CELF2: variants seen among roughly 807,000 people sequenced by gnomAD.
CELF2 encodes CUG triplet repeat RNA-binding protein 2.
A neutral mutation model predicts 62.6 loss-of-function variants in CELF2; 8 were observed. The ratio of observed to expected loss-of-function variants is 0.13; its 90% CI spans 0.07 to 0.23. The LOEUF (loss-of-function observed/expected upper bound fraction) is 0.23. Ranked by LOEUF, CELF2 falls within the 10% of genes least tolerant of loss-of-function variation. The pLI is 1.00. For missense variants in CELF2, 333 were observed against 671.0 expected (o/e 0.50, Z 5.56); for synonymous variants, 258 against 250.0 (o/e 1.03, Z -0.30).
At chr10:10,757,509 C>T in the CELF2 span, among the ~76,000 whole-genome samples, 1 of 152,082 alleles carries the variant, frequency 6.6e-6, no homozygotes, top group East Asian at 1.9e-4. Context: ...TGGAATTCAA[C>T]AATGACAATG....
the CELF2 span, among the ~76,000 whole-genome samples, chr10:10,560,840 A>G: frequency 6.6e-6 from 1 of 152,230 alleles, no homozygotes; most frequent in Non-Finnish European, 1.5e-5. Context: ...TCAGCCATAA[A>G]AAGGAATGAA....
chr10:11,235,356 T>C (rs1243377450), intron 3 of CELF2, among the ~76,000 whole-genome samples: 1 of 152,218 alleles, frequency 6.6e-6, no homozygotes, highest in Non-Finnish European at 1.5e-5. Flanking sequence ...CTCATCTGTG[T>C]TTACCTTTGC....
chr10:10,472,614 C>G, the CELF2 span, among the ~76,000 whole-genome samples: 1 of 151,804 alleles, frequency 6.6e-6, no homozygotes, highest in African/African-American at 2.4e-5. Context: ...TCCTGTTTCT[C>G]TGCATGTCTA....
the CELF2 span, among the ~76,000 whole-genome samples, chr10:10,764,948 T>G: frequency 6.6e-6 from 1 of 152,214 alleles, no homozygotes; most frequent in Non-Finnish European, 1.5e-5. Context: ...AAAGCTCATG[T>G]GCAGTATTTT....
rs555350338 is a variant in CELF2 at position 11,191,577 on chromosome 10, A to G, written c.272-25848A>G. 2.6e-5 allele frequency among the ~76,000 whole-genome samples: 4 copies of G among 152,256 alleles called. No individual in the cohort carries two copies. The South Asian group carries it at 8.3e-4, about 32-fold the overall frequency. On this transcript the variant is annotated intron_variant, in intron 2 of 12. Coordinates refer to ENST00000633077, the MANE Select transcript of CELF2 (RefSeq NM_001326342.2). This position sits in a 1 kb window ranked among gnomAD's most constrained non-coding sequence, Gnocchi z 4.1. Reference sequence around the variant, plus strand: ...ACCTTGAAATCTGAAGTCACTGAGTAGCAGGGGAGGTTGGAGCCTGGGGCA... The same window carrying G: ...ACCTTGAAATCTGAAGTCACTGAGTGGCAGGGGAGGTTGGAGCCTGGGGCA...
chr10:10,989,139 C>T (rs916811190), intron 2 of CELF2, among the ~76,000 whole-genome samples: 1 of 152,152 alleles, frequency 6.6e-6, no homozygotes, highest in Non-Finnish European at 1.5e-5. Flanking sequence ...TTAGCCTATA[C>T]TTCTAGATGG....
At position 11,036,320 on chromosome 10, in the gene CELF2, C is replaced by T. The variant is rs955189647; in HGVS notation, c.74+18157C>T. On this transcript the variant is annotated intron_variant, in intron 1 of 12. Transcript: ENST00000633077. The stretch of plus-strand genomic sequence containing the variant: ...TAACTTTGTTTAGAGGCTATAGCTT[C>T]TACTGAATTTAATTACTTTGCTTCC... 2.0e-5 allele frequency among the ~76,000 whole-genome samples: 3 copies of T among 152,194 alleles called. No homozygotes were observed. In the South Asian group the frequency reaches 6.2e-4, roughly 32 times the overall value.
the CELF2 span, among the ~76,000 whole-genome samples, chr10:10,670,747 T>A: frequency 3.3e-5 from 5 of 152,348 alleles, no homozygotes; most frequent in African/African-American, 1.2e-4. Flanking sequence ...CCTATTCATC[T>A]GTCCCTCCCC....
the CELF2 span, among the ~76,000 whole-genome samples, chr10:10,680,521 A>C: frequency 1.3e-5 from 2 of 152,220 alleles, no homozygotes; most frequent in Non-Finnish European, 2.9e-5. Flanking sequence ...GACAATTTGT[A>C]TGCTATAGGC....
chr10:10,566,362 A>T, the CELF2 span, among the ~76,000 whole-genome samples: 2 of 151,336 alleles, frequency 1.3e-5, no homozygotes, highest in African/African-American at 4.9e-5. Flanking sequence ...AGGTTCTTGC[A>T]AGGACCTTCC....
At chr10:10,849,375 C>T (rs2132731292) in intron 1 of CELF2, among the ~76,000 whole-genome samples, 1 of 152,132 alleles carries the variant, frequency 6.6e-6, no homozygotes, top group Admixed American at 6.5e-5. Flanking sequence ...CCACTGCACT[C>T]CAGACTGGGT....
At chr10:11,022,014 A>G (rs2058398201) in intron 1 of CELF2, among the ~76,000 whole-genome samples, 1 of 152,252 alleles carries the variant, frequency 6.6e-6, no homozygotes, top group Non-Finnish European at 1.5e-5. Flanking sequence ...CCAGCAAGAT[A>G]AAGATCAAAA....
the CELF2 span, among the ~76,000 whole-genome samples, chr10:10,608,598 G>A: frequency 6.6e-6 from 1 of 152,048 alleles, no homozygotes; most frequent in African/African-American, 2.4e-5. Context: ...TTGAATTAGA[G>A]GCGAGGGACA....
chr10:10,474,853 A>T, the CELF2 span, among the ~76,000 whole-genome samples: 1 of 152,222 alleles, frequency 6.6e-6, no homozygotes, highest in Admixed American at 6.5e-5. Context: ...ATCAGATGTG[A>T]TGAGGTCAGG....
intron 1 of CELF2, among the ~76,000 whole-genome samples, chr10:11,062,171 C>T (rs918284375): frequency 6.6e-6 from 1 of 152,174 alleles, no homozygotes; most frequent in African/African-American, 2.4e-5. Flanking sequence ...AAATTCCTTT[C>T]CAGATATTAG....
the CELF2 span, among the ~76,000 whole-genome samples, chr10:10,582,466 C>T: frequency 6.6e-6 from 1 of 151,846 alleles, no homozygotes; most frequent in African/African-American, 2.4e-5. Context: ...GGGAACTTAG[C>T]GATTATAGAG....
At chr10:10,462,615 C>CTTTTTTTTTT in the CELF2 span, among the ~76,000 whole-genome samples, 2 of 69,412 alleles carry the variant, frequency 2.9e-5, no homozygotes, top group Non-Finnish European at 5.1e-5. Context: ...TTTTTTTCAT[C>CTTTTTTTTTT]TTTTTTTTTT....
At chr10:11,070,722 G>A (rs1279805855) in intron 1 of CELF2, among the ~76,000 whole-genome samples, 3 of 152,162 alleles carry the variant, frequency 2.0e-5, no homozygotes, top group Non-Finnish European at 4.4e-5. Context: ...TGAAGGAGAC[G>A]GAGGAAGAAC....
At chr10:10,836,913 G>C (rs934897708) in intron 1 of CELF2, among the ~76,000 whole-genome samples, 9 of 152,170 alleles carry the variant, frequency 5.9e-5, no homozygotes, top group African/African-American at 2.2e-4. Flanking sequence ...GGGATTACAG[G>C]CTTGAGCCAC....
Sources: gnomAD v4.1 joint callset for allele counts (sites outside exome capture counted in the v4.1 genomes callset) on GRCh38, gnomAD v4.1.1 for gene constraint, Gnocchi (gnomAD v3.1) non-coding constraint, MANE v1.5 for transcripts, NCBI Gene and HGNC (gene_info 2026-07-23, HGNC 2026-07-21) for gene names.